Variants in KHDRBS2 observed in about 807,000 individuals in gnomAD.
The protein encoded by KHDRBS2 is KH domain-containing, RNA-binding, signal transduction-associated protein 2.
A neutral mutation model predicts 44.3 loss-of-function variants in KHDRBS2; 26 were observed. The observed-to-expected ratio is 0.59, with a 90% CI of 0.43 to 0.81. The LOEUF (loss-of-function observed/expected upper bound fraction) is 0.81, where lower values mean the gene tolerates loss of function less well. Among genes scored for constraint, KHDRBS2 ranks in the 40% least tolerant of loss-of-function variants. The pLI is 0.00. For synonymous variants in KHDRBS2, 194 were observed against 151.1 expected (o/e 1.28, Z -2.08); for missense variants, 476 against 433.1 (o/e 1.10, Z -0.88).
At chr6:61,673,772 A>C in the KHDRBS2 span, among the ~76,000 whole-genome samples, 1 of 142,358 alleles carries the variant, frequency 7.0e-6, no homozygotes, top group Non-Finnish European at 1.5e-5. Flanking sequence ...AGGAAATAAA[A>C]GAGGATACAA....
chr6:62,109,894 CTTTAA>C (rs1005931764), intron 2 of KHDRBS2, among the ~76,000 whole-genome samples: 27 of 151,848 alleles, frequency 1.8e-4, no homozygotes, highest in African/African-American at 6.3e-4. Context: ...AGATTCCATA[CTTTAA>C]TTTAAAACAT....
At chr6:62,067,547 C>T (rs577365448) in intron 2 of KHDRBS2, among the ~76,000 whole-genome samples, 3 of 151,552 alleles carry the variant, frequency 2.0e-5, no homozygotes, top group South Asian at 2.1e-4. Context: ...AAGTCTCAGA[C>T]TATTGGTTTG....
At chr6:61,847,720 G>A (rs1186896712) in intron 6 of KHDRBS2, among the ~76,000 whole-genome samples, 1 of 152,040 alleles carries the variant, frequency 6.6e-6, no homozygotes, top group Non-Finnish European at 1.5e-5. Context: ...AATAATAAAA[G>A]TGTTTTCTTT....
chr6:62,201,754 A>G (rs1011065659), intron 1 of KHDRBS2, among the ~76,000 whole-genome samples: 2 of 152,112 alleles, frequency 1.3e-5, no homozygotes, highest in African/African-American at 4.8e-5. Flanking sequence ...AGTGGGGCAA[A>G]TAAGTCATTT....
intron 6 of KHDRBS2, among the ~76,000 whole-genome samples, chr6:61,876,436 C>G (rs1432362522): frequency 6.6e-6 from 1 of 151,736 alleles, no homozygotes; most frequent in African/African-American, 2.4e-5. Context: ...TGAGGTGACA[C>G]AGAAGAATTT....
intron 2 of KHDRBS2, among the ~76,000 whole-genome samples, chr6:62,146,279 G>A (rs1038976078): frequency 6.6e-6 from 1 of 151,438 alleles, no homozygotes; most frequent in Non-Finnish European, 1.5e-5. Flanking sequence ...AACTTTCCTC[G>A]CTACCTGTTT....
Position 61,901,293 on chromosome 6 carries a change from T to C in KHDRBS2, c.562A>G (p.Arg188Gly), listed in dbSNP as rs1289917162. 4 of 1,613,470 alleles carry C rather than the reference T, an allele frequency of 2.5e-6. No individual in the cohort carries two copies. The highest frequency in any genetic ancestry group is 2.2e-5 in the East Asian group (1 of 44,864). ...LNGSEDSGRG[R>G]GIRGRGIRIA... is the part of the protein sequence containing the mutation. ...CTGATCCCTCTGCCTCTAATACCTC[T>C]GCCACGACCAGAGTCCTCTGAGCCA... Residue 188 changes from arginine (R) to glycine (G), a missense_variant, in exon 5 of 9, where the codon AGA becomes GGA. By Grantham distance (125) the Arg-to-Gly change is moderately radical (BLOSUM62 -2). Transcript: ENST00000281156.
chr6:61,962,792 A>G (rs1487525289), intron 4 of KHDRBS2, among the ~76,000 whole-genome samples: 11 of 152,090 alleles, frequency 7.2e-5, no homozygotes, highest in Non-Finnish European at 2.9e-5. Flanking sequence ...ATAAAATATC[A>G]TGTGAATTTT....
the KHDRBS2 span, among the ~76,000 whole-genome samples, chr6:61,556,799 A>C: frequency 2.0e-5 from 3 of 151,544 alleles, no homozygotes; most frequent in African/African-American, 7.3e-5. Context: ...AAAGGCATGT[A>C]CTAAAGGGTC....
chr6:62,041,013 T>C (rs1348102871), intron 3 of KHDRBS2, among the ~76,000 whole-genome samples: 1 of 152,018 alleles, frequency 6.6e-6, no homozygotes, highest in Non-Finnish European at 1.5e-5. Flanking sequence ...TCCATATTGG[T>C]TATATTGCAT....
chr6:61,839,163 G>C (rs879712694), intron 6 of KHDRBS2, among the ~76,000 whole-genome samples: 3 of 152,042 alleles, frequency 2.0e-5, no homozygotes, highest in African/African-American at 7.2e-5. Context: ...CATAAGAAGC[G>C]TCTGTGTCTC....
the KHDRBS2 span, among the ~76,000 whole-genome samples, chr6:61,616,570 T>C: frequency 6.9e-6 from 1 of 143,904 alleles, no homozygotes; most frequent in African/African-American, 2.5e-5. Context: ...TCAAGTGATT[T>C]AATTAATTTG....
intron 6 of KHDRBS2, among the ~76,000 whole-genome samples, chr6:61,821,117 C>A (rs1420925044): frequency 2.6e-5 from 4 of 151,926 alleles, no homozygotes; most frequent in African/African-American, 9.7e-5. Flanking sequence ...TTAGAGATAT[C>A]TATGTTTCCT....
At chr6:62,024,445 A>T (rs550477873) in intron 3 of KHDRBS2, among the ~76,000 whole-genome samples, 2 of 151,724 alleles carry the variant, frequency 1.3e-5, no homozygotes, top group South Asian at 2.1e-4. Context: ...CTTTAAACAT[A>T]TATATTTTTG....
chr6:61,954,854 G>A (rs796740279), intron 4 of KHDRBS2, among the ~76,000 whole-genome samples: 1 of 101,088 alleles, frequency 9.9e-6, no homozygotes, highest in Non-Finnish European at 2.1e-5. Flanking sequence ...ACATATGCAT[G>A]TGTATATACA....
the KHDRBS2 span, among the ~76,000 whole-genome samples, chr6:61,646,763 TCTGA>T: frequency 6.6e-6 from 1 of 152,128 alleles, no homozygotes; most frequent in Admixed American, 6.6e-5. Flanking sequence ...CTCTTTTGTG[TCTGA>T]CTTTTTATTA....
At chr6:61,932,375 T>C (rs1240426432) in intron 4 of KHDRBS2, among the ~76,000 whole-genome samples, 1 of 152,224 alleles carries the variant, frequency 6.6e-6, no homozygotes, top group Non-Finnish European at 1.5e-5. Context: ...TTGAAATTTA[T>C]TCCTCCTATC....
chr6:61,946,490 C>G (rs992597341), intron 4 of KHDRBS2, among the ~76,000 whole-genome samples: 4 of 152,092 alleles, frequency 2.6e-5, no homozygotes, highest in African/African-American at 9.7e-5. Flanking sequence ...CAAGCCTCAC[C>G]TAAAATGTTT....
chr6:62,048,922 A>G (rs1788353755), intron 2 of KHDRBS2, among the ~76,000 whole-genome samples: 1 of 151,932 alleles, frequency 6.6e-6, no homozygotes, highest in South Asian at 2.1e-4. Flanking sequence ...TGCTTTCTAT[A>G]TCAGAGATTT....
Sources: gnomAD v4.1 joint callset for allele counts (sites outside exome capture counted in the v4.1 genomes callset) on GRCh38, gnomAD v4.1.1 for gene constraint, MANE v1.5 for transcripts, NCBI Gene and HGNC (gene_info 2026-07-23, HGNC 2026-07-21) for gene names.